The following ARL3 variants were observed in gnomAD, a reference collection of about 807,000 sequenced individuals.
ARL3 encodes ARF like GTPase 3, also known as ADP-ribosylation factor-like protein 3.
A neutral mutation model predicts 26.0 loss-of-function variants in ARL3; 9 were observed. The ratio of observed to expected loss-of-function variants is 0.35; its 90% CI spans 0.21 to 0.60. ARL3 has a LOEUF of 0.60. Among genes scored for constraint, ARL3 ranks in the 20% least tolerant of loss-of-function variants. The probability of loss-of-function intolerance (pLI) is 0.78; values close to 1 mark genes in which losing one functional copy is unlikely to be tolerated. For missense variants in ARL3, 158 were observed against 215.7 expected (o/e 0.73, Z 1.67); for synonymous variants, 71 against 78.4 (o/e 0.91, Z 0.50).
At chr10:102,705,228 G>T in intron 2 of ARL3, 118 bp downstream of exon 2, 1 of 1,251,842 alleles carries the variant, frequency 8.0e-7, no homozygotes, top group Non-Finnish European at 1.1e-6. Flanking sequence ...AGATTGTATA[G>T]ACTTTTCTCA....
chr10:102,703,743 C>A (rs953024652), intron 2 of ARL3, among the ~76,000 whole-genome samples: 3 of 151,902 alleles, frequency 2.0e-5, no homozygotes, highest in African/African-American at 7.3e-5. Context: ...ACGCCCGGCC[C>A]AGGACTCATC....
intron 1 of ARL3, 47 bp downstream of exon 1, chr10:102,714,226 G>T (rs762671543): frequency 7.6e-7 from 1 of 1,313,370 alleles, no homozygotes; most frequent in South Asian, 3.2e-5. Context: ...GGGGACGGGA[G>T]GGGGATAACC....
chr10:102,686,858 G>C (rs1293834547), intron 4 of ARL3, among the ~76,000 whole-genome samples: 13 of 143,068 alleles, frequency 9.1e-5, no homozygotes, highest in African/African-American at 3.4e-4. Flanking sequence ...CTAGGGCTCA[G>C]GAATTTACTT....
rs905437142 is a variant in ARL3 at position 102,676,470 on chromosome 10, G to C, written c.*424C>G. 1 of 157,356 alleles carries C rather than the reference G, an allele frequency of 6.4e-6. No individual in the cohort carries two copies. Among genetic ancestry groups the C allele is most frequent in the African/African-American group, 2.4e-5 (1 of 41,414 alleles). 9.7% of individuals were successfully genotyped at this position (157,356 alleles called of 1,614,324 possible). ...CTGTCTGTGGTTTCAAAACCATGGA[G>C]GGAATGCAAGGGACGGGTCAGTAAA... On this transcript the variant is annotated 3_prime_UTR_variant, in exon 6 of 6. Coordinates refer to ENST00000260746, the MANE Select transcript of ARL3 (RefSeq NM_004311.4).
intron 2 of ARL3, among the ~76,000 whole-genome samples, chr10:102,702,637 A>AAAAAAC (rs1458535589): frequency 6.6e-6 from 1 of 152,164 alleles, no homozygotes; most frequent in Non-Finnish European, 1.5e-5. Context: ...GCTAATACTA[A>AAAAAAC]AAAAACAAAA....
Position 102,685,826 on chromosome 10 carries a change from T to C in ARL3, c.491A>G (p.Glu164Gly). Residue 164 changes from glutamate (E) to glycine (G), a missense_variant, in exon 5 of 6, where the codon GAG becomes GGG. Physicochemically the swap from Glu to Gly is moderately conservative, Grantham distance 98 (BLOSUM62 -2). Coordinates refer to ENST00000260746, the MANE Select transcript of ARL3 (RefSeq NM_004311.4). ...QIQSCSALTG[E>G]GVQDGMNWVC... is the part of the protein sequence containing the mutation. ...TTCCTGTAATCTCACCTGAACGCCC[T>C]CTCCTGTGAGAGCTGAGCAAGACTG... 1 of 1,609,584 alleles carries C rather than the reference T, an allele frequency of 6.2e-7. No individual in the cohort carries two copies. Among genetic ancestry groups the C allele is most frequent in the South Asian group, 1.1e-5 (1 of 90,392 alleles).
At chr10:102,688,864 A>C (rs1039136388) in intron 4 of ARL3, among the ~76,000 whole-genome samples, 14 of 152,170 alleles carry the variant, frequency 9.2e-5, no homozygotes, top group Non-Finnish European at 1.6e-4. Flanking sequence ...GAATCAATTA[A>C]GTAGGTATTG....
intron 4 of ARL3, among the ~76,000 whole-genome samples, chr10:102,689,542 A>G (rs1008736877): frequency 6.6e-6 from 1 of 151,830 alleles, no homozygotes; most frequent in Non-Finnish European, 1.5e-5. Context: ...TATTTAAAAA[A>G]TATACTAGGC....
chr10:102,706,791 C>A (rs2064313112), intron 1 of ARL3, among the ~76,000 whole-genome samples: 1 of 152,002 alleles, frequency 6.6e-6, no homozygotes, highest in South Asian at 2.1e-4. Context: ...TGTGCCTCAG[C>A]CTCCAGAGTA....
intron 4 of ARL3, among the ~76,000 whole-genome samples, chr10:102,686,907 G>C (rs1333881694): frequency 9.1e-6 from 1 of 110,370 alleles, no homozygotes; most frequent in East Asian, 2.7e-4. Context: ...GACGAGTCTT[G>C]CTCTGTTGCC....
At chr10:102,695,412 A>G (rs759052049) in intron 3 of ARL3, among the ~76,000 whole-genome samples, 2 of 152,176 alleles carry the variant, frequency 1.3e-5, no homozygotes, top group Non-Finnish European at 2.9e-5. Context: ...TCAAATTTCA[A>G]TTGTTCACTG....
chr10:102,707,878 G>C lies in ARL3; in HGVS notation c.4-2389C>G, dbSNP rs571067639. On this transcript the variant is annotated intron_variant, in intron 1 of 5. Transcript: ENST00000260746. ...AGATTGAATAGATTGGAAACAAACA[G>C]AAGTCTGGCTTTTTAAAAGGCCAGA... Among the ~76,000 whole-genome samples the C allele has an allele frequency of 5.9e-5, 9 of 152,256 alleles. No homozygotes were observed. The East Asian group carries it at 1.7e-3, about 29-fold the overall frequency.
chr10:102,714,021 C>G (rs889704061), intron 1 of ARL3, among the ~76,000 whole-genome samples: 1 of 152,228 alleles, frequency 6.6e-6, no homozygotes, highest in Non-Finnish European at 1.5e-5. Flanking sequence ...CGGCCAGCCG[C>G]GCACTCTGCC....
At chr10:102,686,622 G>A (rs972290054) in intron 4 of ARL3, among the ~76,000 whole-genome samples, 4 of 151,366 alleles carry the variant, frequency 2.6e-5, no homozygotes, top group Non-Finnish European at 5.9e-5. Context: ...ACACTACCAT[G>A]CCCAGCTAAT....
chr10:102,685,004 T>A (rs1229551971), intron 5 of ARL3, among the ~76,000 whole-genome samples: 1 of 150,198 alleles, frequency 6.7e-6, no homozygotes, highest in Admixed American at 6.6e-5. Flanking sequence ...TCCCAGCACT[T>A]TGGGAGGCTG....
chr10:102,688,816 T>C (rs1468568707), intron 4 of ARL3, among the ~76,000 whole-genome samples: 1 of 152,122 alleles, frequency 6.6e-6, no homozygotes, highest in Admixed American at 6.6e-5. Context: ...GGCATGTGCA[T>C]TTTTTCCTGT....
intron 3 of ARL3, among the ~76,000 whole-genome samples, chr10:102,692,066 T>C (rs2136001549): frequency 6.6e-6 from 1 of 152,342 alleles, no homozygotes; most frequent in East Asian, 1.9e-4. Context: ...AGTGTTGCTG[T>C]GAACCGATTT....
rs1401649774 is a variant in ARL3 at position 102,674,499 on chromosome 10, C to G, written c.*2395G>C. 1 of 152,226 alleles carries G rather than the reference C, an allele frequency of 6.6e-6. No individual in the cohort carries two copies. Among genetic ancestry groups the G allele is most frequent in the South Asian group, 2.1e-4 (1 of 4,834 alleles). 9.4% of individuals were successfully genotyped at this position (152,226 alleles called of 1,614,324 possible). The stretch of plus-strand genomic sequence containing the variant: ...CTTGCCTGCCCTCCGGCCCCCAGCC[C>G]TCTCCCCCGCACATTCAGATGCAAT... On this transcript the variant is annotated 3_prime_UTR_variant, in exon 6 of 6. Coordinates refer to ENST00000260746, the MANE Select transcript of ARL3 (RefSeq NM_004311.4).
chr10:102,701,516 G>T (rs1301090746), intron 2 of ARL3, among the ~76,000 whole-genome samples: 1 of 152,178 alleles, frequency 6.6e-6, no homozygotes. Flanking sequence ...AGAAGTTCGA[G>T]AATTCTAAAG....
Sources: gnomAD v4.1 joint callset for allele counts (sites outside exome capture counted in the v4.1 genomes callset) on GRCh38, gnomAD v4.1.1 for gene constraint, MANE v1.5 for transcripts, NCBI Gene and HGNC (gene_info 2026-07-23, HGNC 2026-07-21) for gene names.